The following GPC5 variants were observed in gnomAD, a reference collection of about 807,000 sequenced individuals.
The protein encoded by GPC5 is glypican-5.
GPC5 carries 47 observed loss-of-function variants against 53.9 expected under a neutral mutation model. That is an observed-to-expected ratio of 0.87 (90% CI 0.69 to 1.11). The LOEUF (loss-of-function observed/expected upper bound fraction) is 1.11, where lower values mean the gene tolerates loss of function less well. GPC5 is among the 50% of genes most tolerant of loss of function. The pLI is 0.00. For missense variants in GPC5, 748 were observed against 713.1 expected, an observed-to-expected ratio of 1.05 and a Z score of -0.56; for synonymous variants, 286 against 263.3, an observed-to-expected ratio of 1.09 and a Z score of -0.84.
chr13:92,286,116 C>T (rs1278042038), intron 7 of GPC5, among the ~76,000 whole-genome samples: 3 of 152,136 alleles, frequency 2.0e-5, no homozygotes, highest in Admixed American at 2.0e-4. Flanking sequence ...CTTTATGCAG[C>T]CAACAGACAC....
At chr13:91,874,785 C>T (rs1038091819) in intron 5 of GPC5, among the ~76,000 whole-genome samples, 13 of 152,158 alleles carry the variant, frequency 8.5e-5, no homozygotes, top group African/African-American at 3.1e-4. Flanking sequence ...CCTTTATTTG[C>T]TGAATGGCCT....
chr13:92,669,067 C>CA (rs1448457063), intron 7 of GPC5, among the ~76,000 whole-genome samples: 1 of 151,946 alleles, frequency 6.6e-6, no homozygotes, highest in East Asian at 1.9e-4. Flanking sequence ...TTTGAATATA[C>CA]AAAAAATTCA....
intron 2 of GPC5, among the ~76,000 whole-genome samples, chr13:91,550,529 A>G (rs1304628569): frequency 6.6e-6 from 1 of 152,124 alleles, no homozygotes; most frequent in East Asian, 1.9e-4. Flanking sequence ...CTCTGAATAT[A>G]TTGGTACAAG....
chr13:92,402,349 CT>C (rs1354413951), intron 7 of GPC5, among the ~76,000 whole-genome samples: 2 of 152,090 alleles, frequency 1.3e-5, no homozygotes, highest in African/African-American at 4.8e-5. Context: ...GACATAGAAC[CT>C]TTTTTTCTCT....
chr13:92,283,972 C>T (rs2042934953), intron 7 of GPC5, among the ~76,000 whole-genome samples: 1 of 151,960 alleles, frequency 6.6e-6, no homozygotes, highest in African/African-American at 2.4e-5. Flanking sequence ...TTGAAAAGAT[C>T]AACAAAATTG....
At chr13:92,430,520 C>T (rs1877038595) in intron 7 of GPC5, among the ~76,000 whole-genome samples, 1 of 151,248 alleles carries the variant, frequency 6.6e-6, no homozygotes, top group Non-Finnish European at 1.5e-5. Context: ...TTGAAACAGA[C>T]ATATCTGAGC....
intron 7 of GPC5, among the ~76,000 whole-genome samples, chr13:92,649,021 G>A (rs1344986495): frequency 2.6e-5 from 4 of 152,170 alleles, no homozygotes; most frequent in Admixed American, 2.6e-4. Flanking sequence ...GTGTATAATA[G>A]TCACCTTTAA....
At chr13:92,008,045 G>C (rs1459726061) in intron 6 of GPC5, among the ~76,000 whole-genome samples, 1 of 151,188 alleles carries the variant, frequency 6.6e-6, no homozygotes, top group Non-Finnish European at 1.5e-5. Context: ...CAAAGAACAC[G>C]GTGAATGAGA....
intron 7 of GPC5, among the ~76,000 whole-genome samples, chr13:92,338,768 A>T (rs2148523): frequency 0.034 from 5,195 of 152,164 alleles, 136 homozygotes; most frequent in Middle Eastern, 0.061. Flanking sequence ...AGCACAGATG[A>T]TTTATAGGGA....
chr13:92,854,202 A>C (rs1451466974), intron 7 of GPC5, among the ~76,000 whole-genome samples: 1 of 148,320 alleles, frequency 6.7e-6, no homozygotes, highest in Non-Finnish European at 1.5e-5. Flanking sequence ...GATGGTATAG[A>C]GATATATATA....
chr13:92,282,820 A>C (rs1001918503), intron 7 of GPC5, among the ~76,000 whole-genome samples: 1 of 152,216 alleles, frequency 6.6e-6, no homozygotes, highest in African/African-American at 2.4e-5. Flanking sequence ...GATGCTAGGA[A>C]AAAACTACAT....
At chr13:92,532,283 T>G (rs1391200713) in intron 7 of GPC5, among the ~76,000 whole-genome samples, 2 of 152,186 alleles carry the variant, frequency 1.3e-5, no homozygotes. Flanking sequence ...ATTCATTCAT[T>G]AATTCAATAT....
chr13:91,581,310 G>C (rs2032351579), intron 2 of GPC5, among the ~76,000 whole-genome samples: 1 of 152,216 alleles, frequency 6.6e-6, no homozygotes, highest in Non-Finnish European at 1.5e-5. Flanking sequence ...TAGGAAAGTA[G>C]AGTGGAAGAA....
Position 91,946,838 on chromosome 13 carries a change from T to C in GPC5, c.1401+38781T>C, listed in dbSNP as rs148238428. The stretch of plus-strand genomic sequence containing the variant: ...TAGCTTGGCCTGGTACCTTAGGCCA[T>C]AGGATATAAGCCAGCTTTGCAATTA... On this transcript the variant is annotated intron_variant, in intron 6 of 7. Transcript: ENST00000377067. Among the ~76,000 whole-genome samples, 800 of 152,286 alleles carry C rather than the reference T, an allele frequency of 5.3e-3. 3 individuals carry two copies. Among genetic ancestry groups the C allele is most frequent in the Middle Eastern group, 0.01 (3 of 294 alleles).
At chr13:92,695,454 T>C (rs891305221) in intron 7 of GPC5, among the ~76,000 whole-genome samples, 1 of 152,194 alleles carries the variant, frequency 6.6e-6, no homozygotes, top group African/African-American at 2.4e-5. Context: ...TTTCTATGGG[T>C]GATAACAGCA....
intron 2 of GPC5, among the ~76,000 whole-genome samples, chr13:91,538,441 T>G (rs774686766): frequency 6.6e-5 from 10 of 152,206 alleles, no homozygotes; most frequent in Non-Finnish European, 1.2e-4. Context: ...AACTGCGTAC[T>G]ATTTTTATGA....
chr13:92,510,587 G>A (rs1291111917), intron 7 of GPC5, among the ~76,000 whole-genome samples: 2 of 152,144 alleles, frequency 1.3e-5, no homozygotes, highest in African/African-American at 4.8e-5. Context: ...AGGACATTCA[G>A]TCTTCTGTTA....
rs533519155 is a variant in GPC5 at position 92,573,211 on chromosome 13, G to A, written c.1562-293071G>A. ...GGCTACTGGTCTGATGGGAATTTAT[G>A]GTAAATAAAATGTATGTGTCAGTTT... is the stretch of plus-strand genomic sequence containing the variant. On this transcript the variant is annotated intron_variant, in intron 7 of 7. Transcript: ENST00000377067. Among the ~76,000 whole-genome samples the A allele has an allele frequency of 8.8e-4, 134 of 152,184 alleles. No homozygotes were observed. In the South Asian group the frequency reaches 0.024, roughly 28 times the overall value.
At chr13:92,261,053 G>A (rs958609464) in intron 7 of GPC5, among the ~76,000 whole-genome samples, 2 of 152,054 alleles carry the variant, frequency 1.3e-5, no homozygotes, top group Admixed American at 6.6e-5. Flanking sequence ...TAACATTTGT[G>A]TGACTAAACA....
Sources: gnomAD v4.1 joint callset for allele counts (sites outside exome capture counted in the v4.1 genomes callset) on GRCh38, gnomAD v4.1.1 for gene constraint, MANE v1.5 for transcripts, NCBI Gene and HGNC (gene_info 2026-07-23, HGNC 2026-07-21) for gene names.